Variants in IMMP2L observed in about 807,000 individuals in gnomAD.
IMMP2L encodes inner mitochondrial membrane peptidase subunit 2.
IMMP2L carries 18 observed loss-of-function variants against 19.3 expected under a neutral mutation model. The ratio of observed to expected loss-of-function variants is 0.93; its 90% CI spans 0.64 to 1.38. The LOEUF (loss-of-function observed/expected upper bound fraction) is 1.38, where lower values mean the gene tolerates loss of function less well. Ranked by LOEUF, IMMP2L falls within the 40% of genes most tolerant of loss-of-function variation. IMMP2L has a pLI of 0.00. For missense variants in IMMP2L, 233 were observed against 218.2 expected (o/e 1.07, Z -0.43); for synonymous variants, 76 against 73.0 (o/e 1.04, Z -0.21).
intron 3 of IMMP2L, among the ~76,000 whole-genome samples, chr7:111,298,772 A>AAC (rs1821897127): frequency 6.6e-6 from 1 of 151,574 alleles, no homozygotes; most frequent in Non-Finnish European, 1.5e-5. Context: ...AAAAAAAAAA[A>AAC]GCAGCCGATC....
intron 2 of IMMP2L, among the ~76,000 whole-genome samples, chr7:111,497,705 A>C (rs1395316249): frequency 6.6e-6 from 1 of 152,046 alleles, no homozygotes; most frequent in East Asian, 1.9e-4. Flanking sequence ...CAAAGTCAGA[A>C]GCTGGGTTTA....
At chr7:110,993,262 T>C (rs1334321762) in intron 3 of IMMP2L, among the ~76,000 whole-genome samples, 1 of 152,138 alleles carries the variant, frequency 6.6e-6, no homozygotes, top group Non-Finnish European at 1.5e-5. Flanking sequence ...CACACCTGCC[T>C]CTCCTTCTTC....
chr7:111,442,260 CAA>C (rs1837819964), intron 3 of IMMP2L, among the ~76,000 whole-genome samples: 1 of 151,810 alleles, frequency 6.6e-6, no homozygotes, highest in Admixed American at 6.6e-5. Flanking sequence ...CCATGCTCCA[CAA>C]ATCAATCTCA....
intron 3 of IMMP2L, among the ~76,000 whole-genome samples, chr7:111,326,738 A>G (rs1220811406): frequency 6.6e-6 from 1 of 151,876 alleles, no homozygotes; most frequent in Non-Finnish European, 1.5e-5. Flanking sequence ...ACCCTTATGC[A>G]CTGTTGGTGG....
At chr7:111,327,396 G>A (rs1425850158) in intron 3 of IMMP2L, among the ~76,000 whole-genome samples, 1 of 151,668 alleles carries the variant, frequency 6.6e-6, no homozygotes, top group Non-Finnish European at 1.5e-5. Context: ...TATAAAAAGT[G>A]TCACTGTAAC....
intron 5 of IMMP2L, among the ~76,000 whole-genome samples, chr7:110,804,819 A>T (rs1801513189): frequency 6.6e-6 from 1 of 152,142 alleles, no homozygotes; most frequent in Non-Finnish European, 1.5e-5. Flanking sequence ...GAAGAAAAAC[A>T]TGTAAGGAAC....
At chr7:110,669,081 GTGTGTGTGTA>G (rs1562903294) in intron 5 of IMMP2L, among the ~76,000 whole-genome samples, 395 of 88,616 alleles carry the variant, frequency 4.5e-3, no homozygotes, top group African/African-American at 0.015. Context: ...GTGTGTGTGT[GTGTGTGTGTA>G]TATGTATATA....
chr7:110,999,102 C>T (rs1823353674), intron 3 of IMMP2L, among the ~76,000 whole-genome samples: 1 of 152,016 alleles, frequency 6.6e-6, no homozygotes, highest in South Asian at 2.1e-4. Context: ...CCTGTGCTGC[C>T]CCCATGTAAA....
intron 3 of IMMP2L, among the ~76,000 whole-genome samples, chr7:111,098,920 C>G (rs978615923): frequency 1.3e-5 from 2 of 151,738 alleles, no homozygotes; most frequent in Admixed American, 6.6e-5. Context: ...TACAGTAACT[C>G]TGTTTCTAGT....
chr7:111,048,257 A>AG (rs1563192264), intron 3 of IMMP2L, among the ~76,000 whole-genome samples: 4 of 149,262 alleles, frequency 2.7e-5, no homozygotes, highest in Non-Finnish European at 5.9e-5. Context: ...AAAAAAAAAA[A>AG]AAAAAAAAGA....
chr7:110,746,290 C>G (rs192650585), intron 5 of IMMP2L, among the ~76,000 whole-genome samples: 1 of 152,226 alleles, frequency 6.6e-6, no homozygotes, highest in East Asian at 1.9e-4. Context: ...GACTTAGACT[C>G]CCACATAATA....
intron 3 of IMMP2L, among the ~76,000 whole-genome samples, chr7:111,173,272 A>G (rs1806655654): frequency 6.6e-6 from 1 of 151,574 alleles, no homozygotes; most frequent in Non-Finnish European, 1.5e-5. Context: ...TTATTATTCT[A>G]TTTTTCTGAT....
intron 3 of IMMP2L, among the ~76,000 whole-genome samples, chr7:111,159,175 G>A (rs2129605869): frequency 6.6e-6 from 1 of 152,286 alleles, no homozygotes; most frequent in African/African-American, 2.4e-5. Flanking sequence ...GAGTGCAGTA[G>A]CATGATGTCG....
chr7:111,122,926 A>G, intron 3 of IMMP2L: 3 of 1,614,074 alleles, frequency 1.9e-6, no homozygotes, highest in Non-Finnish European at 2.5e-6. Context: ...GGAAGCATCT[A>G]CAGTGGATTG....
At chr7:111,030,178 T>C (rs1257118882) in intron 3 of IMMP2L, among the ~76,000 whole-genome samples, 1 of 152,168 alleles carries the variant, frequency 6.6e-6, no homozygotes, top group East Asian at 1.9e-4. Flanking sequence ...ATTGAACCTA[T>C]TGCATCTAAT....
chr7:111,003,271 A>C (rs1823913572), intron 3 of IMMP2L, among the ~76,000 whole-genome samples: 1 of 152,080 alleles, frequency 6.6e-6, no homozygotes, highest in African/African-American at 2.4e-5. Context: ...AATTTTAGAG[A>C]TTTTTGCCAT....
intron 3 of IMMP2L, among the ~76,000 whole-genome samples, chr7:111,025,828 A>G (rs1826748271): frequency 6.6e-6 from 1 of 152,206 alleles, no homozygotes; most frequent in Non-Finnish European, 1.5e-5. Flanking sequence ...TTCTGTTTTA[A>G]CATTGTTTTA....
chr7:111,296,234 C>A (rs1821622794), intron 3 of IMMP2L, among the ~76,000 whole-genome samples: 1 of 151,292 alleles, frequency 6.6e-6, no homozygotes, highest in Non-Finnish European at 1.5e-5. Flanking sequence ...AGATACTTCA[C>A]AAAAGAAGAT....
chr7:111,550,156 C>G (rs1849317139), intron 1 of IMMP2L, among the ~76,000 whole-genome samples: 1 of 151,890 alleles, frequency 6.6e-6, no homozygotes, highest in African/African-American at 2.4e-5. Context: ...ATACCAAGAT[C>G]CTTAGTAAAT....
Sources: allele counts gnomAD v4.1 joint callset (sites outside exome capture counted in the v4.1 genomes callset), GRCh38; gene constraint gnomAD v4.1.1; transcripts MANE v1.5; gene names NCBI Gene and HGNC (gene_info 2026-07-23, HGNC 2026-07-21).